CHCT1: variants seen among roughly 807,000 people sequenced by gnomAD.
The protein encoded by CHCT1 is CHD1 helical C-terminal domain containing protein 1.
chr17:60,421,649 G>C, the CHCT1 span: 5 of 949,448 alleles, frequency 5.3e-6, no homozygotes, highest in Non-Finnish European at 6.3e-6. Context: ...AGGGACGCGA[G>C]GGGGCGCTGC....
At chr17:60,426,019 A>G in the CHCT1 span, 4 of 1,252,188 alleles carry the variant, frequency 3.2e-6, no homozygotes, top group African/African-American at 4.5e-5. Context: ...TTTTGGTGAG[A>G]GGTGCACCAG....
the CHCT1 span, among the ~76,000 whole-genome samples, chr17:60,430,024 G>A: frequency 7.3e-5 from 11 of 151,050 alleles, no homozygotes; most frequent in East Asian, 1.9e-4. Flanking sequence ...AGGGTTTCAC[G>A]GTGTTGCCCA....
the CHCT1 span, chr17:60,422,391 C>T: frequency 7.4e-7 from 1 of 1,359,424 alleles, no homozygotes; most frequent in East Asian, 2.9e-5. Flanking sequence ...CTGGAGGGGC[C>T]AGCTGCAGCC....
chr17:60,425,635 C>T, the CHCT1 span: 1 of 588,504 alleles, frequency 1.7e-6, no homozygotes, highest in South Asian at 2.2e-5. Context: ...GTTTCTTTGC[C>T]CAAGGCTCAC....
the CHCT1 span, chr17:60,426,105 C>A: frequency 1.3e-6 from 2 of 1,516,102 alleles, no homozygotes; most frequent in Admixed American, 2.0e-5. Flanking sequence ...CCTGGGACTG[C>A]CCATCTGCCT....
chr17:60,424,598 G>A, the CHCT1 span, among the ~76,000 whole-genome samples: 2 of 152,112 alleles, frequency 1.3e-5, no homozygotes, highest in Admixed American at 6.6e-5. Context: ...TTAGAATTCC[G>A]TAGACCCTGG....
the CHCT1 span, chr17:60,425,893 A>G: frequency 6.5e-7 from 1 of 1,544,472 alleles, no homozygotes; most frequent in South Asian, 1.2e-5. Flanking sequence ...CTGTGAGTAA[A>G]GAGCCAGCCT....
At chr17:60,429,541 G>C in the CHCT1 span, 2 of 1,614,086 alleles carry the variant, frequency 1.2e-6, no homozygotes, top group South Asian at 1.1e-5. Flanking sequence ...CAAGATCCCA[G>C]GACCATGTCA....
chr17:60,430,692 G>T, the CHCT1 span, among the ~76,000 whole-genome samples: 1 of 152,182 alleles, frequency 6.6e-6, no homozygotes, highest in Admixed American at 6.5e-5. Context: ...TGTTGGCCAG[G>T]CTGGTCTCAA....
At chr17:60,426,773 C>T in the CHCT1 span, 22 of 1,610,126 alleles carry the variant, frequency 1.4e-5, no homozygotes, top group South Asian at 3.3e-5. Context: ...GCAGCTTCGC[C>T]GACTTTACAA....
the CHCT1 span, among the ~76,000 whole-genome samples, chr17:60,429,952 G>A: frequency 6.6e-6 from 1 of 151,724 alleles, no homozygotes; most frequent in African/African-American, 2.4e-5. Flanking sequence ...AGCATCCCCA[G>A]TAGCTGGGAT....
chr17:60,429,810 A>ATTAT, the CHCT1 span, among the ~76,000 whole-genome samples: 1 of 150,906 alleles, frequency 6.6e-6, no homozygotes, highest in Non-Finnish European at 1.5e-5. Flanking sequence ...TTTTGTTTTT[A>ATTAT]TTATTTATTT....
the CHCT1 span, among the ~76,000 whole-genome samples, chr17:60,425,549 T>C: frequency 2.6e-5 from 4 of 152,246 alleles, no homozygotes; most frequent in East Asian, 7.7e-4. Context: ...AGTTACCTAG[T>C]AGAATATGCT....
chr17:60,428,786 C>T, the CHCT1 span, among the ~76,000 whole-genome samples: 1 of 151,538 alleles, frequency 6.6e-6, no homozygotes, highest in African/African-American at 2.4e-5. Context: ...CGCACCAGGC[C>T]GAAAAATTTA....
chr17:60,425,939 C>T, the CHCT1 span: 1 of 1,453,516 alleles, frequency 6.9e-7, no homozygotes, highest in Non-Finnish European at 9.4e-7. Context: ...GGTCAGGAGG[C>T]CTGAGTCAGG....
At chr17:60,424,129 TA>T in the CHCT1 span, among the ~76,000 whole-genome samples, 1 of 152,142 alleles carries the variant, frequency 6.6e-6, no homozygotes, top group East Asian at 1.9e-4. Flanking sequence ...AGAACTCACT[TA>T]ATTGGGGCAG....
chr17:60,422,508 A>G, the CHCT1 span: 2 of 1,541,568 alleles, frequency 1.3e-6, no homozygotes, highest in Admixed American at 2.0e-5. Context: ...ACTCCCTGAG[A>G]CGGCTAGGTC....
the CHCT1 span, chr17:60,429,280 C>A: frequency 7.0e-7 from 1 of 1,434,584 alleles, no homozygotes; most frequent in Non-Finnish European, 9.4e-7. Context: ...CTTAGCATTT[C>A]TCAACAAATG....
the CHCT1 span, chr17:60,426,045 C>A: frequency 7.7e-7 from 1 of 1,303,416 alleles, no homozygotes; most frequent in Non-Finnish European, 1.1e-6. Flanking sequence ...CCTCCCGAAA[C>A]ACGCAGCACT....
Sources: gnomAD v4.1 joint callset for allele counts (sites outside exome capture counted in the v4.1 genomes callset) on GRCh38, gnomAD v4.1.1 for gene constraint, MANE v1.5 for transcripts, NCBI Gene and HGNC (gene_info 2026-07-23, HGNC 2026-07-21) for gene names.